MAK: variants seen among roughly 807,000 people sequenced by gnomAD.
MAK encodes serine/threonine-protein kinase MAK.
MAK carries 65 observed loss-of-function variants against 82.6 expected under a neutral mutation model. The observed-to-expected ratio is 0.79, with a 90% CI of 0.64 to 0.97. The LOEUF (loss-of-function observed/expected upper bound fraction) is 0.97. Among genes scored for constraint, MAK ranks in the 50% least tolerant of loss-of-function variants. The pLI is 0.00. For missense variants in MAK, 703 were observed against 780.2 expected, an observed-to-expected ratio of 0.90 and a Z score of 1.18; for synonymous variants, 250 against 274.2, an observed-to-expected ratio of 0.91 and a Z score of 0.87.
chr6:10,765,518 G>A (rs1293772340), intron 14 of MAK, among the ~76,000 whole-genome samples: 1 of 146,918 alleles, frequency 6.8e-6, no homozygotes, highest in Non-Finnish European at 1.5e-5. Flanking sequence ...GGAGTGCAAT[G>A]GTGCGATCTC....
At chr6:10,813,367 G>A (rs1777213308) in intron 5 of MAK, among the ~76,000 whole-genome samples, 1 of 150,134 alleles carries the variant, frequency 6.7e-6, no homozygotes, top group South Asian at 2.1e-4. Context: ...TGGCCAGGCT[G>A]GTCTCAAACT....
At position 10,780,773 on chromosome 6, in the gene MAK, A is replaced by C. The variant is rs184426139; in HGVS notation, c.1465+3651T>G. ...AATGTACCAATTTAAACAAACAAAA[A>C]AACAAAAAACACAGTGAAAACTATC... On this transcript the variant is annotated intron_variant, in intron 11 of 14. Coordinates refer to ENST00000354489, the MANE Select transcript of MAK (RefSeq NM_001242957.3). Among the ~76,000 whole-genome samples the C allele has an allele frequency of 3.0e-3, 458 of 152,278 alleles. 3 individuals carry two copies. Among genetic ancestry groups the C allele is most frequent in the African/African-American group, 0.01 (429 of 41,562 alleles).
Position 10,800,261 on chromosome 6 carries a change from CA to C in MAK, c.831+1630del, listed in dbSNP as rs1046053821. ...AGCCTGGGCAACAGAAACTCCATCT[CA>C]AAAAAAAAAGAAAATACACATACAC... On this transcript the variant is annotated intron_variant, in intron 8 of 14. Transcript: ENST00000354489. This position sits in a 1 kb window ranked among gnomAD's most constrained non-coding sequence, Gnocchi z 4.2. Among the ~76,000 whole-genome samples, 13 of 143,238 alleles carry C rather than the reference CA, an allele frequency of 9.1e-5. No homozygotes were observed. The highest frequency in any genetic ancestry group is 1.4e-4 in the Admixed American group (2 of 14,310). 94.0% of individuals were successfully genotyped at this position (143,238 alleles called of 152,430 possible).
Position 10,788,483 on chromosome 6 carries a change from A to G in MAK, c.1316+3192T>C, listed in dbSNP as rs184749692. Among the ~76,000 whole-genome samples, 822 of 152,236 alleles carry G rather than the reference A, an allele frequency of 5.4e-3. 7 individuals are homozygous for G. The highest frequency in any genetic ancestry group is 0.019 in the African/African-American group (781 of 41,562). On this transcript the variant is annotated intron_variant, in intron 10 of 14. Transcript: ENST00000354489. ...GCGGTGGCTCATGCCTGTAATCCCAACACTTTTGGAGGCCGAGGCAGGTGG... is the reference window on the plus strand; with the variant it reads ...GCGGTGGCTCATGCCTGTAATCCCAGCACTTTTGGAGGCCGAGGCAGGTGG...
chr6:10,774,850 A>C (rs753151073), intron 12 of MAK, among the ~76,000 whole-genome samples: 5 of 152,260 alleles, frequency 3.3e-5, no homozygotes, highest in African/African-American at 9.6e-5. Context: ...CATGGTAGCC[A>C]GTGAGAAGTC....
chr6:10,815,924 AT>A lies in MAK; in HGVS notation c.278+1925del, dbSNP rs1777451683. On this transcript the variant is annotated intron_variant, in intron 4 of 14. Coordinates refer to ENST00000354489, the MANE Select transcript of MAK (RefSeq NM_001242957.3). ...GTAGCTTTATACAGTATATATATAT[AT>A]ATATATATATATATATATATATGTA... is the stretch of plus-strand genomic sequence containing the variant. 1.4e-4 allele frequency among the ~76,000 whole-genome samples: 5 copies of A among 36,334 alleles called. 1 individual carries two copies. The highest frequency in any genetic ancestry group is 3.2e-4 in the African/African-American group (5 of 15,458). 23.8% of individuals were successfully genotyped at this position (36,334 alleles called of 152,430 possible). A position where few individuals can be genotyped will look rare whatever the true frequency, so the allele number is the denominator to read the frequency against.
chr6:10,803,397 T>C (rs1776160537), intron 7 of MAK, among the ~76,000 whole-genome samples: 2 of 151,778 alleles, frequency 1.3e-5, no homozygotes, highest in African/African-American at 4.8e-5. Flanking sequence ...ATAGAAAAAT[T>C]GACCAGGCGT....
intron 6 of MAK, among the ~76,000 whole-genome samples, chr6:10,806,505 A>ATTTTTTT (rs70991049): frequency 2.7e-4 from 32 of 117,102 alleles, no homozygotes; most frequent in Non-Finnish European, 3.4e-4. Context: ...CACCCGTCTA[A>ATTTTTTT]TTTTTTTTTT....
chr6:10,791,866 C>A lies in MAK; in HGVS notation c.1144-19G>T. The A allele has an allele frequency of 6.2e-7, 1 of 1,613,768 alleles. No individual in the cohort carries two copies. Among genetic ancestry groups the A allele is most frequent in the South Asian group, 1.1e-5 (1 of 91,062 alleles). ...TTGGCTTCTGTGGTGGAAAATCAGT[C>A]ATCATAATCTTTAATCATGTACTGA... On this transcript the variant is annotated intron_variant, in intron 9 of 14. Coordinates refer to ENST00000354489, the MANE Select transcript of MAK (RefSeq NM_001242957.3).
At chr6:10,783,490 C>T (rs1231963862) in intron 11 of MAK, among the ~76,000 whole-genome samples, 1 of 152,218 alleles carries the variant, frequency 6.6e-6, no homozygotes, top group African/African-American at 2.4e-5. Context: ...GTTCCCAAGT[C>T]AAAACCTCAG....
At chr6:10,815,023 C>T (rs1777351767) in intron 4 of MAK, among the ~76,000 whole-genome samples, 2 of 147,148 alleles carry the variant, frequency 1.4e-5, no homozygotes, top group East Asian at 2.0e-4. Context: ...GGTGAAAGAG[C>T]GAGACTCCAT....
At chr6:10,799,107 G>T (rs1378738532) in intron 8 of MAK, among the ~76,000 whole-genome samples, 1 of 152,074 alleles carries the variant, frequency 6.6e-6, no homozygotes, top group Non-Finnish European at 1.5e-5. Context: ...TTACAGGTGT[G>T]CGGCACTGCA....
At chr6:10,826,993 C>T (rs1007012174) in intron 2 of MAK, among the ~76,000 whole-genome samples, 2 of 152,136 alleles carry the variant, frequency 1.3e-5, no homozygotes, top group Non-Finnish European at 2.9e-5. Context: ...TGCCTGTAAT[C>T]CCAGCTACTC....
In MAK at chr6:10,773,769, G is replaced by C. The variant is rs898017759; in HGVS notation, c.1598-661C>G. ...TGCAGTGGTGTGATCTCGGCTCACT[G>C]CAACCTCCACTTCCTGGGTTCAAGC... On this transcript the variant is annotated intron_variant, in intron 12 of 14. Transcript: ENST00000354489. Among the ~76,000 whole-genome samples the C allele has an allele frequency of 2.0e-5, 3 of 147,294 alleles. No homozygotes were observed. The South Asian group carries it at 6.4e-4, about 31-fold the overall frequency.
intron 12 of MAK, among the ~76,000 whole-genome samples, chr6:10,774,769 T>G (rs1222149647): frequency 6.6e-6 from 1 of 152,214 alleles, no homozygotes; most frequent in Non-Finnish European, 1.5e-5. Flanking sequence ...AACAGTGACA[T>G]CAACATACCA....
chr6:10,810,982 G>A (rs1461070609), intron 5 of MAK, among the ~76,000 whole-genome samples: 1 of 151,890 alleles, frequency 6.6e-6, no homozygotes, highest in African/African-American at 2.4e-5. Flanking sequence ...TCATTTTTTT[G>A]ACAGCAACTA....
At chr6:10,821,058 C>T in intron 2 of MAK, among the ~76,000 whole-genome samples, 1 of 152,094 alleles carries the variant, frequency 6.6e-6, no homozygotes, top group East Asian at 1.9e-4. Flanking sequence ...AGGTGATCCT[C>T]CCACCTCTGC....
rs918604536 is a variant in MAK at position 10,776,500 on chromosome 6, C to T, written c.1466-1041G>A. Among the ~76,000 whole-genome samples, 41 of 152,188 alleles carry T rather than the reference C, an allele frequency of 2.7e-4. No individual in the cohort carries two copies. Among genetic ancestry groups the T allele is most frequent in the African/African-American group, 9.4e-4 (39 of 41,524 alleles). Reference sequence around the variant, plus strand: ...GAGCAGTCTATGCCTTTTGGTCATTCACGGAGAGTTTTCTTTATCTAGTGT... The same window carrying T: ...GAGCAGTCTATGCCTTTTGGTCATTTACGGAGAGTTTTCTTTATCTAGTGT... On this transcript the variant is annotated intron_variant, in intron 11 of 14. Transcript: ENST00000354489. This position sits in a 1 kb window ranked among gnomAD's most constrained non-coding sequence, Gnocchi z 4.3.
At chr6:10,767,790 CAA>C (rs35961098) in intron 14 of MAK, among the ~76,000 whole-genome samples, 7 of 139,350 alleles carry the variant, frequency 5.0e-5, no homozygotes, top group Admixed American at 1.5e-4. Flanking sequence ...GACTTTGTCT[CAA>C]AAAAAAAAAA....
Sources: gnomAD v4.1 joint callset for allele counts (sites outside exome capture counted in the v4.1 genomes callset) on GRCh38, gnomAD v4.1.1 for gene constraint, Gnocchi (gnomAD v3.1) non-coding constraint, MANE v1.5 for transcripts, NCBI Gene and HGNC (gene_info 2026-07-23, HGNC 2026-07-21) for gene names.